The following TMEM131 variants were observed in gnomAD, a reference collection of about 807,000 sequenced individuals.
The protein encoded by TMEM131 is 2610524E03Rik.
In TMEM131, 66 loss-of-function variants were observed where a neutral mutation model predicts 211.6. The ratio of observed to expected loss-of-function variants is 0.31; its 90% CI spans 0.26 to 0.38. TMEM131 has a LOEUF of 0.38. TMEM131 is among the 10% of genes least tolerant of loss of function. TMEM131 has a pLI of 1.00. For missense variants in TMEM131, 2,036 were observed against 2,299.3 expected (o/e 0.89, Z 2.34); for synonymous variants, 844 against 841.3 (o/e 1.00, Z -0.06).
chr2:97,838,342 C>T lies in TMEM131; in HGVS notation c.724-1185G>A, dbSNP rs149818455. Among the ~76,000 whole-genome samples the T allele has an allele frequency of 9.0e-3, 1,337 of 149,288 alleles. 12 individuals carry two copies. Among genetic ancestry groups the T allele is most frequent in the East Asian group, 0.043 (217 of 5,014 alleles). On this transcript the variant is annotated intron_variant, in intron 7 of 40. Coordinates refer to ENST00000186436, the MANE Select transcript of TMEM131 (RefSeq NM_015348.2). The stretch of plus-strand genomic sequence containing the variant: ...GGTGAAGTATGAGAATGGGTGGAAA[C>T]GTTCACTTGTTTCATCACAAGAAGT...
At chr2:97,927,552 G>A in intron 1 of TMEM131, 65 bp from the exon 2 acceptor site, 1 of 1,304,482 alleles carries the variant, frequency 7.7e-7, no homozygotes, top group Non-Finnish European at 1.0e-6. Flanking sequence ...TAACATCTTT[G>A]ACTTTAAAGT....
intron 31 of TMEM131, among the ~76,000 whole-genome samples, chr2:97,782,305 C>G (rs1680048438): frequency 6.6e-6 from 1 of 152,252 alleles, no homozygotes. Context: ...ACCAGCACTT[C>G]TAACTCCACC....
chr2:97,762,138 G>A lies in TMEM131; in HGVS notation c.4786C>T (p.Arg1596Cys), dbSNP rs745591248. The A allele has an allele frequency of 6.8e-6, 11 of 1,613,828 alleles. No individual in the cohort carries two copies. The highest frequency in any genetic ancestry group is 4.4e-5 in the South Asian group (4 of 91,078). ...GAAGCAGGTGTCGGTGAGGTCTGGC[G>A]TTGTTTTAAGAAAATGTCTGCGTTG... Reference protein sequence around the residue: ...TLNADIFLKQRQTSPTPASPS... With the variant: ...TLNADIFLKQCQTSPTPASPS... The change falls in exon 36 of 41, where the codon CGC (arginine) becomes TGC (cysteine). Residue 1596 changes from arginine to cysteine, a missense_variant. Around this residue, in one of 3 missense-constraint regions of TMEM131, gnomAD observed 1,623 missense variants for 1,805.9 expected, o/e 0.90. Coordinates refer to ENST00000186436, the MANE Select transcript of TMEM131 (RefSeq NM_015348.2).
At chr2:97,849,338 CCA>C (rs1280506917) in intron 5 of TMEM131, among the ~76,000 whole-genome samples, 1 of 152,142 alleles carries the variant, frequency 6.6e-6, no homozygotes, top group East Asian at 1.9e-4. Flanking sequence ...AATGAATAAA[CCA>C]CACAGTGACA....
At chr2:97,814,682 A>T (rs1348761867) in intron 13 of TMEM131, among the ~76,000 whole-genome samples, 1 of 152,214 alleles carries the variant, frequency 6.6e-6, no homozygotes, top group Admixed American at 6.5e-5. Context: ...CATGCTTATC[A>T]CTGAATTACA....
intron 7 of TMEM131, among the ~76,000 whole-genome samples, chr2:97,839,539 G>GA (rs1192423761): frequency 6.6e-6 from 1 of 151,964 alleles, no homozygotes; most frequent in Non-Finnish European, 1.5e-5. Flanking sequence ...TATAGTTTAG[G>GA]AAAAAAAGGA....
intron 1 of TMEM131, among the ~76,000 whole-genome samples, chr2:97,944,727 A>G (rs1213235485): frequency 6.6e-6 from 1 of 152,194 alleles, no homozygotes; most frequent in Non-Finnish European, 1.5e-5. Flanking sequence ...GCTCAAAACC[A>G]GTCCTTAGAC....
Position 97,906,919 on chromosome 2 carries a change from A to C in TMEM131, c.290+1739T>G, listed in dbSNP as rs926146262. Among the ~76,000 whole-genome samples, 67 of 152,202 alleles carry C rather than the reference A, an allele frequency of 4.4e-4. 3 individuals are homozygous for C. Among genetic ancestry groups the C allele is most frequent in the Non-Finnish European group, 4.4e-5 (3 of 68,038 alleles). On this transcript the variant is annotated intron_variant, in intron 3 of 40. Coordinates refer to ENST00000186436, the MANE Select transcript of TMEM131 (RefSeq NM_015348.2). Reference sequence around the variant, plus strand: ...GAAGTAGATAATAGATAAGTAGAGCATGAGATGAGAATATAATTATGTACT... The same window carrying C: ...GAAGTAGATAATAGATAAGTAGAGCCTGAGATGAGAATATAATTATGTACT...
chr2:97,908,458 T>A (rs1354187619), intron 3 of TMEM131, among the ~76,000 whole-genome samples, 200 bp downstream of exon 3: 1 of 152,096 alleles, frequency 6.6e-6, no homozygotes, highest in Non-Finnish European at 1.5e-5. Flanking sequence ...AGGGGAGGCA[T>A]GCTACACAAT....
At chr2:97,945,008 C>T (rs1036905232) in intron 1 of TMEM131, among the ~76,000 whole-genome samples, 2 of 152,038 alleles carry the variant, frequency 1.3e-5, no homozygotes, top group Admixed American at 6.6e-5. Context: ...AACTTATATA[C>T]CAGTGTTCAT....
chr2:97,826,031 C>T lies in TMEM131; in HGVS notation c.1075-7310G>A, dbSNP rs376442990. Among the ~76,000 whole-genome samples, 5 of 152,314 alleles carry T rather than the reference C, an allele frequency of 3.3e-5. No homozygotes were observed. In the East Asian group the frequency reaches 7.7e-4, roughly 24 times the overall value. On this transcript the variant is annotated intron_variant, in intron 11 of 40. Coordinates refer to ENST00000186436, the MANE Select transcript of TMEM131 (RefSeq NM_015348.2). The stretch of plus-strand genomic sequence containing the variant: ...CATTTTTCTCCCAGAGGATGGGGAA[C>T]CAATCGAGCATGACTGCTGACAAAT...
At chr2:97,780,285 CATCA>C (rs1679935867) in intron 31 of TMEM131, among the ~76,000 whole-genome samples, 2 of 152,218 alleles carry the variant, frequency 1.3e-5, no homozygotes, top group African/African-American at 4.8e-5. Context: ...GCAATTTTAC[CATCA>C]ATCAATCGGT....
intron 4 of TMEM131, among the ~76,000 whole-genome samples, chr2:97,885,289 C>CT: frequency 5.7e-5 from 3 of 52,526 alleles, no homozygotes; most frequent in African/African-American, 3.9e-4. Context: ...GCTCCGCTTC[C>CT]CGGTCCATTC....
In TMEM131 at chr2:97,918,412, C is replaced by A. The variant is rs558631804; in HGVS notation, c.249+9014G>T. On this transcript the variant is annotated intron_variant, in intron 2 of 40. Transcript: ENST00000186436. ...CAGAGACAAAGACCAGATTACTGCA[C>A]AACTAGCTATAAAATCTTCTTGCCA... 1.3e-4 allele frequency among the ~76,000 whole-genome samples: 20 copies of A among 152,288 alleles called. No homozygotes were observed. In the South Asian group the frequency reaches 4.1e-3, roughly 32 times the overall value.
intron 3 of TMEM131, among the ~76,000 whole-genome samples, chr2:97,899,462 A>C (rs549772328): frequency 6.6e-6 from 1 of 152,284 alleles, no homozygotes; most frequent in East Asian, 1.9e-4. Context: ...AGACAAATAT[A>C]AGCATGGCTC....
chr2:97,947,980 T>A (rs187675398), intron 1 of TMEM131, among the ~76,000 whole-genome samples: 11 of 152,200 alleles, frequency 7.2e-5, no homozygotes, highest in African/African-American at 2.4e-4. Flanking sequence ...AATAGCCACA[T>A]GGGAAAGAAA....
chr2:97,776,076 T>TG, intron 31 of TMEM131, 58 bp from the exon 32 acceptor site: 1 of 1,543,582 alleles, frequency 6.5e-7, no homozygotes, highest in East Asian at 2.2e-5. Flanking sequence ...TTTTTTGAGA[T>TG]GGAGTCTTGC....
chr2:97,969,980 C>T (rs1679226911), intron 1 of TMEM131, among the ~76,000 whole-genome samples: 1 of 152,132 alleles, frequency 6.6e-6, no homozygotes, highest in Non-Finnish European at 1.5e-5. Flanking sequence ...AAGACCCTGG[C>T]AACATTCCAT....
chr2:97,869,614 C>T (rs1453112388), intron 4 of TMEM131, among the ~76,000 whole-genome samples: 1 of 152,200 alleles, frequency 6.6e-6, no homozygotes, highest in African/African-American at 2.4e-5. Flanking sequence ...GCCTCTAGCT[C>T]TGGGCAGTCC....
Sources: allele counts gnomAD v4.1 joint callset (sites outside exome capture counted in the v4.1 genomes callset), GRCh38; gene constraint gnomAD v4.1.1; regional missense constraint gnomAD v4.1.1; transcripts MANE v1.5; gene names NCBI Gene and HGNC (gene_info 2026-07-23, HGNC 2026-07-21).